The following CNTN5 variants were observed in gnomAD, a reference collection of about 807,000 sequenced individuals.
CNTN5 encodes the protein contactin-5.
In CNTN5, 77 loss-of-function variants were observed where a neutral mutation model predicts 129.1. The ratio of observed to expected loss-of-function variants is 0.60; its 90% CI spans 0.50 to 0.72. The LOEUF is 0.72. Ranked by LOEUF, CNTN5 falls within the 30% of genes least tolerant of loss-of-function variation. The probability of loss-of-function intolerance (pLI) is 0.00; values close to 1 mark genes in which losing one functional copy is unlikely to be tolerated. For missense variants in CNTN5, 1,478 were observed against 1,328.8 expected, an observed-to-expected ratio of 1.11 and a Z score of -1.75; for synonymous variants, 509 against 465.6, an observed-to-expected ratio of 1.09 and a Z score of -1.20.
chr11:99,902,508 G>C (rs570413942), intron 6 of CNTN5, among the ~76,000 whole-genome samples: 266 of 152,154 alleles, frequency 1.7e-3, no homozygotes, highest in African/African-American at 6.2e-3. Flanking sequence ...CTAGTAAATA[G>C]ACATATTAGT....
chr11:100,300,108 G>A (rs571796609), intron 20 of CNTN5, among the ~76,000 whole-genome samples: 1 of 151,452 alleles, frequency 6.6e-6, no homozygotes, highest in Non-Finnish European at 1.5e-5. Context: ...TAGGTAGGCA[G>A]TACCGAGTAG....
At chr11:100,284,378 AGAGAT>A (rs1416981613) in intron 18 of CNTN5, among the ~76,000 whole-genome samples, 5 of 152,234 alleles carry the variant, frequency 3.3e-5, no homozygotes, top group Non-Finnish European at 7.3e-5. Context: ...AGTTTTAGTT[AGAGAT>A]TAGATAGATT....
intron 1 of CNTN5, among the ~76,000 whole-genome samples, chr11:99,073,716 G>T (rs963894706): frequency 1.3e-5 from 2 of 152,054 alleles, no homozygotes; most frequent in African/African-American, 4.8e-5. Context: ...ATGTCTCTGT[G>T]AAGGAAATGA....
intron 1 of CNTN5, among the ~76,000 whole-genome samples, chr11:99,048,090 A>T (rs928766912): frequency 9.9e-5 from 15 of 152,100 alleles, no homozygotes; most frequent in Non-Finnish European, 2.1e-4. Flanking sequence ...TTAAAAAAAA[A>T]TCATGGCATC....
intron 1 of CNTN5, among the ~76,000 whole-genome samples, chr11:99,053,644 G>A (rs1232534027): frequency 3.3e-5 from 5 of 151,850 alleles, no homozygotes; most frequent in Non-Finnish European, 5.9e-5. Flanking sequence ...TGTTTAAGAT[G>A]TAATTGAACT....
intron 3 of CNTN5, among the ~76,000 whole-genome samples, chr11:99,595,759 C>CATATATAT (rs34266877): frequency 7.4e-5 from 11 of 149,558 alleles, no homozygotes; most frequent in South Asian, 4.2e-4. Context: ...CTCCTTCTGC[C>CATATATAT]ATATATATAT....
At chr11:100,347,168 G>C (rs1427239466) in intron 23 of CNTN5, among the ~76,000 whole-genome samples, 4 of 152,046 alleles carry the variant, frequency 2.6e-5, no homozygotes, top group African/African-American at 9.7e-5. Context: ...ATGCAACTTA[G>C]ATATCAGTTG....
chr11:100,228,178 A>G (rs1324201581), intron 16 of CNTN5, among the ~76,000 whole-genome samples: 1 of 152,206 alleles, frequency 6.6e-6, no homozygotes, highest in Non-Finnish European at 1.5e-5. Flanking sequence ...GCTTCTTAGT[A>G]CAAAACAGTA....
chr11:99,266,262 T>G (rs1862882774), intron 1 of CNTN5, among the ~76,000 whole-genome samples: 1 of 152,108 alleles, frequency 6.6e-6, no homozygotes, highest in African/African-American at 2.4e-5. Flanking sequence ...ACTTAGCATA[T>G]ACATTGTATT....
intron 3 of CNTN5, among the ~76,000 whole-genome samples, chr11:99,755,990 C>G (rs1944393063): frequency 6.6e-6 from 1 of 152,038 alleles, no homozygotes; most frequent in Admixed American, 6.6e-5. Flanking sequence ...ATCCCTCCCC[C>G]ATATATTAAT....
intron 13 of CNTN5, among the ~76,000 whole-genome samples, chr11:100,100,000 A>G (rs1388132028): frequency 6.6e-6 from 1 of 152,122 alleles, no homozygotes; most frequent in Admixed American, 6.6e-5. Flanking sequence ...TTTCTTCACT[A>G]AAAACCCTTG....
At chr11:99,216,275 G>A (rs1424812254) in intron 1 of CNTN5, among the ~76,000 whole-genome samples, 3 of 152,014 alleles carry the variant, frequency 2.0e-5, no homozygotes, top group African/African-American at 4.8e-5. Context: ...CTGGCTTATT[G>A]TATTTAACAT....
intron 17 of CNTN5, among the ~76,000 whole-genome samples, chr11:100,266,247 T>A (rs1950300954): frequency 6.6e-6 from 1 of 152,064 alleles, no homozygotes; most frequent in African/African-American, 2.4e-5. Flanking sequence ...GTCTTAGATG[T>A]GATTCTTTTG....
Position 99,360,613 on chromosome 11 carries a change from G to A in CNTN5, c.-71+35129G>A, listed in dbSNP as rs140536402. 3.3e-3 allele frequency among the ~76,000 whole-genome samples: 500 copies of A among 152,234 alleles called. 6 individuals are homozygous for A. The highest frequency in any genetic ancestry group is 3.2e-3 in the Non-Finnish European group (219 of 68,018). On this transcript the variant is annotated intron_variant, in intron 2 of 24. Transcript: ENST00000524871. ...GAGTCATACTTGAGTTTTGCCTTTC[G>A]TCATAGTTTTGTTCCCCAGGCCTTG... is the stretch of plus-strand genomic sequence containing the variant.
intron 9 of CNTN5, among the ~76,000 whole-genome samples, chr11:100,016,742 T>C (rs946778394): frequency 6.6e-6 from 1 of 151,748 alleles, no homozygotes; most frequent in Non-Finnish European, 1.5e-5. Context: ...TGTGTGTGAG[T>C]GGTTAAATCC....
intron 17 of CNTN5, among the ~76,000 whole-genome samples, chr11:100,259,856 T>C (rs1399726560): frequency 6.7e-6 from 1 of 150,144 alleles, no homozygotes; most frequent in Admixed American, 6.6e-5. Context: ...AAGATCTAAA[T>C]TCAACACCAT....
chr11:99,766,155 T>C (rs1160229007), intron 3 of CNTN5, among the ~76,000 whole-genome samples: 2 of 152,078 alleles, frequency 1.3e-5, no homozygotes, highest in Non-Finnish European at 2.9e-5. Context: ...TTTAACTTCA[T>C]AGCTATACAT....
chr11:99,845,604 C>G (rs1184927301), intron 6 of CNTN5, among the ~76,000 whole-genome samples: 1 of 151,718 alleles, frequency 6.6e-6, no homozygotes, highest in Non-Finnish European at 1.5e-5. Flanking sequence ...GATCTCCTGA[C>G]CTCGTGATCC....
Position 100,301,001 on chromosome 11 carries a change from A to C in CNTN5, c.2620+1605A>C, listed in dbSNP as rs75587735. On this transcript the variant is annotated intron_variant, in intron 20 of 24. Coordinates refer to ENST00000524871, the MANE Select transcript of CNTN5 (RefSeq NM_014361.4). ...AGTGACAGTTACAAGAAATGATAGT[A>C]AGTGACAGAGCTAGGATTTTAACCA... Among the ~76,000 whole-genome samples, 8 of 151,740 alleles carry C rather than the reference A, an allele frequency of 5.3e-5. No individual in the cohort carries two copies. In the East Asian group the frequency reaches 1.6e-3, roughly 30 times the overall value.
Sources: allele counts gnomAD v4.1 joint callset (sites outside exome capture counted in the v4.1 genomes callset), GRCh38; gene constraint gnomAD v4.1.1; transcripts MANE v1.5; gene names NCBI Gene and HGNC (gene_info 2026-07-23, HGNC 2026-07-21).